The following RASA3 variants were observed in gnomAD, a reference collection of about 807,000 sequenced individuals.
RASA3 encodes the protein ras GTPase-activating protein 3.
RASA3 carries 73 observed loss-of-function variants against 110.0 expected under a neutral mutation model. That is an observed-to-expected ratio of 0.66 (90% CI 0.55 to 0.81). The LOEUF (loss-of-function observed/expected upper bound fraction) is 0.81, where lower values mean the gene tolerates loss of function less well. Ranked by LOEUF, RASA3 falls within the 30% of genes least tolerant of loss-of-function variation. The pLI is 0.00. For synonymous variants in RASA3, 500 were observed against 451.4 expected (o/e 1.11, Z -1.37); for missense variants, 976 against 1,113.2 (o/e 0.88, Z 1.75).
Position 114,074,769 on chromosome 13 carries a change from G to A in RASA3, c.56-932C>T, listed in dbSNP as rs111582897. On this transcript the variant is annotated intron_variant, in intron 1 of 23. Transcript: ENST00000334062. ...GTTCCTGGCTGGCCCTGCAGAAAAC[G>A]CCCGTGATCCCGGACTCCTTGTTTG... Among the ~76,000 whole-genome samples the A allele has an allele frequency of 3.9e-5, 6 of 152,318 alleles. 1 individual carries two copies. Among genetic ancestry groups the A allele is most frequent in the African/African-American group, 1.4e-4 (6 of 41,578 alleles).
intron 3 of RASA3, among the ~76,000 whole-genome samples, chr13:114,044,626 G>A (rs2079022900): frequency 6.9e-6 from 1 of 143,942 alleles, no homozygotes; most frequent in Non-Finnish European, 1.5e-5. Flanking sequence ...CGACCGCTGC[G>A]TGGCTCTTGC....
Position 114,040,988 on chromosome 13 carries a change from C to G in RASA3, c.372+12G>C. ...AGGGCTCTGGTTTCCGGGGCTGCGC[C>G]GAGAGTCTCACCTGCACTTCCGAGT... On this transcript the variant is annotated intron_variant, in intron 4 of 23. Transcript: ENST00000334062. 6.2e-7 allele frequency: 1 copy of G among 1,612,962 alleles called. No homozygotes were observed. The highest frequency in any genetic ancestry group is 8.5e-7 in the Non-Finnish European group (1 of 1,179,874).
chr13:114,022,536 A>G (rs1053766447), intron 8 of RASA3, among the ~76,000 whole-genome samples: 1 of 152,200 alleles, frequency 6.6e-6, no homozygotes, highest in African/African-American at 2.4e-5. Flanking sequence ...AAGATTCCAG[A>G]AGGCTGGGGA....
intron 21 of RASA3, among the ~76,000 whole-genome samples, chr13:113,994,605 C>T (rs1464136705): frequency 1.3e-5 from 2 of 152,104 alleles, no homozygotes; most frequent in African/African-American, 4.8e-5. Flanking sequence ...TGAGCAACAC[C>T]ACCCTGGGCA....
intron 19 of RASA3, 107 bp from the exon 20 acceptor site, chr13:113,999,774 G>A (rs1409069357): frequency 1.5e-5 from 7 of 462,118 alleles, no homozygotes; most frequent in East Asian, 9.5e-5. Context: ...GGTCTTTACC[G>A]GGGGGTCTCT....
At chr13:114,078,031 C>G in intron 1 of RASA3, 4 of 977,728 alleles carry the variant, frequency 4.1e-6, no homozygotes, top group Non-Finnish European at 4.9e-6. Flanking sequence ...ATCCTGGTTG[C>G]TATGACGACA....
chr13:114,050,410 T>G (rs2079124941), intron 3 of RASA3, among the ~76,000 whole-genome samples: 1 of 152,266 alleles, frequency 6.6e-6, no homozygotes, highest in Non-Finnish European at 1.5e-5. Flanking sequence ...GAGATCCATG[T>G]GACCCATTCC....
At position 113,992,517 on chromosome 13, in the gene RASA3, T is replaced by C. The variant is rs1390269430; in HGVS notation, c.2213A>G (p.Asn738Ser). Residue 738 changes from asparagine (N) to serine (S), a missense_variant, in exon 22 of 24, where the codon AAC becomes AGC. Coordinates refer to ENST00000334062, the MANE Select transcript of RASA3 (RefSeq NM_007368.4). ...RETERIYSLF[N>S]LYMSKLEKMQ... is the part of the protein sequence containing the mutation. ...CTTCTCCAGCTTGCTCATGTACAAG[T>C]TGAAGAGGGAGTAGATACGCTCCGT... The C allele has an allele frequency of 3.1e-6, 5 of 1,613,496 alleles. No homozygotes were observed. The highest frequency in any genetic ancestry group is 4.5e-5 in the East Asian group (2 of 44,888).
chr13:114,018,682 G>A (rs2053848298), intron 10 of RASA3, 81 bp downstream of exon 10: 1 of 1,532,414 alleles, frequency 6.5e-7, no homozygotes, highest in Non-Finnish European at 8.9e-7. Context: ...GTGCCCTCTG[G>A]GGTGGGCCCG....
At chr13:114,024,435 C>T (rs755324679) in intron 7 of RASA3, 80 bp from the exon 8 acceptor site, 85 of 1,309,450 alleles carry the variant, frequency 6.5e-5, no homozygotes, top group Middle Eastern at 2.1e-4. Flanking sequence ...CCCCGGGCTG[C>T]CCTACCCTCT....
At chr13:114,078,150 G>A (rs375203142) in intron 1 of RASA3, among the ~76,000 whole-genome samples, 1 of 152,208 alleles carries the variant, frequency 6.6e-6, no homozygotes, top group Non-Finnish European at 1.5e-5. Context: ...GGGCCTCGCC[G>A]TGTGTGCCAC....
At chr13:114,028,828 GGCA>G (rs2139378018) in intron 5 of RASA3, among the ~76,000 whole-genome samples, 3 of 51,162 alleles carry the variant, frequency 5.9e-5, no homozygotes, top group African/African-American at 3.1e-4. Context: ...CCTCTAAAAC[GGCA>G]TCATCCTGGG....
rs1396006568 is a variant in RASA3 at position 114,014,318 on chromosome 13, T to A, written c.1405+891A>T. ...GTTCAAAGTGGGTCTGGGGCTGGGA[T>A]GTGCTTGGGAACTGCCTCCCCCAGA... is the stretch of plus-strand genomic sequence containing the variant. On this transcript the variant is annotated intron_variant, in intron 14 of 23. Transcript: ENST00000334062. This position sits in a 1 kb window ranked among gnomAD's most constrained non-coding sequence, Gnocchi z 4.5. Among the ~76,000 whole-genome samples, 1 of 152,194 alleles carries A rather than the reference T, an allele frequency of 6.6e-6. No homozygotes were observed. The highest frequency in any genetic ancestry group is 2.4e-5 in the African/African-American group (1 of 41,452).
chr13:114,031,571 C>T (rs930196561), intron 4 of RASA3, among the ~76,000 whole-genome samples: 49 of 151,312 alleles, frequency 3.2e-4, no homozygotes, highest in Middle Eastern at 3.6e-3. Flanking sequence ...TCTGTACATG[C>T]GACTGTGTGT....
At chr13:114,026,409 T>G (rs2054026796) in intron 7 of RASA3, among the ~76,000 whole-genome samples, 1 of 152,212 alleles carries the variant, frequency 6.6e-6, no homozygotes, top group East Asian at 1.9e-4. Flanking sequence ...TGTCTATAAG[T>G]GAGGCTTCCG....
chr13:114,124,394 C>T (rs1021354117), intron 1 of RASA3, among the ~76,000 whole-genome samples: 4 of 152,260 alleles, frequency 2.6e-5, no homozygotes, highest in African/African-American at 7.2e-5. Flanking sequence ...CTCCCAGACA[C>T]TCTGATGCCG....
At chr13:114,045,900 C>T (rs561205803) in intron 3 of RASA3, among the ~76,000 whole-genome samples, 1 of 150,208 alleles carries the variant, frequency 6.7e-6, no homozygotes, top group Non-Finnish European at 1.5e-5. Flanking sequence ...GCTGAAAACA[C>T]ATCACAAAAC....
chr13:114,121,429 C>T (rs1469739430), intron 1 of RASA3, among the ~76,000 whole-genome samples: 7 of 152,214 alleles, frequency 4.6e-5, no homozygotes, highest in African/African-American at 7.2e-5. Flanking sequence ...CCACGGATCT[C>T]GGCTAAAGGA....
rs537856067 is a variant in RASA3 at position 114,018,172 on chromosome 13, G to A, written c.1023C>T (p.Leu341=). The A allele has an allele frequency of 1.3e-6, 2 of 1,551,362 alleles. No homozygotes were observed. The highest frequency in any genetic ancestry group is 2.4e-5 in the East Asian group (1 of 40,952). The change falls in exon 11 of 24, where the codon CTC becomes CTT. Residue 341 remains leucine (L), a synonymous_variant. Coordinates refer to ENST00000334062, the MANE Select transcript of RASA3 (RefSeq NM_007368.4). ...KQEAAVPLVR[L]FLHYGRVVPF... is the part of the protein sequence containing the mutation. ...GCACCACCCTGCCATAGTGTAGGAA[G>A]AGCCGCACCAGCGGGACGGCCGCCT...
Sources: allele counts gnomAD v4.1 joint callset (sites outside exome capture counted in the v4.1 genomes callset), GRCh38; gene constraint gnomAD v4.1.1; non-coding constraint Gnocchi (gnomAD v3.1); transcripts MANE v1.5; gene names NCBI Gene and HGNC (gene_info 2026-07-23, HGNC 2026-07-21).